The following FER variants were observed in gnomAD, a reference collection of about 807,000 sequenced individuals.
FER encodes tyrosine-protein kinase Fer.
FER carries 63 observed loss-of-function variants against 111.0 expected under a neutral mutation model. The ratio of observed to expected loss-of-function variants is 0.57; its 90% CI spans 0.46 to 0.70. The LOEUF (loss-of-function observed/expected upper bound fraction) is 0.70. Ranked by LOEUF, FER falls within the 30% of genes least tolerant of loss-of-function variation. The probability of loss-of-function intolerance (pLI) is 0.00; values close to 1 mark genes in which losing one functional copy is unlikely to be tolerated. For missense variants in FER, 914 were observed against 954.0 expected (o/e 0.96, Z 0.55); for synonymous variants, 327 against 313.9 (o/e 1.04, Z -0.44).
intron 16 of FER, chr5:109,052,451 C>CA: frequency 4.0e-6 from 5 of 1,252,694 alleles, no homozygotes; most frequent in Non-Finnish European, 5.9e-6. Flanking sequence ...GTGCTCCAGT[C>CA]ACGCATGTTG....
intron 17 of FER, among the ~76,000 whole-genome samples, chr5:109,105,231 TG>T (rs1042753590): frequency 3.6e-3 from 9 of 2,510 alleles, no homozygotes; most frequent in African/African-American, 0.018. Context: ...AGCTTATATT[TG>T]TGTGTGTGTG....
chr5:108,884,729 CT>C (rs1258418893), intron 9 of FER, among the ~76,000 whole-genome samples: 2 of 151,916 alleles, frequency 1.3e-5, no homozygotes, highest in African/African-American at 4.8e-5. Flanking sequence ...CACGTACTAT[CT>C]TTGCTTTCTG....
chr5:108,807,973 A>G (rs1757373289), intron 3 of FER, among the ~76,000 whole-genome samples: 1 of 150,658 alleles, frequency 6.6e-6, no homozygotes, highest in East Asian at 1.9e-4. Flanking sequence ...ACTGTGGCCC[A>G]AGAGTGTTGT....
intron 18 of FER, among the ~76,000 whole-genome samples, chr5:109,182,816 A>G (rs910950906): frequency 2.6e-5 from 4 of 152,212 alleles, no homozygotes; most frequent in African/African-American, 9.6e-5. Flanking sequence ...AAGCATTTTA[A>G]GTAAGTAATA....
intron 13 of FER, among the ~76,000 whole-genome samples, chr5:109,028,973 T>G (rs879292135): frequency 3.9e-5 from 6 of 152,222 alleles, no homozygotes; most frequent in Non-Finnish European, 8.8e-5. Context: ...ATGTTTACTT[T>G]AAGCATGCTA....
chr5:109,119,456 A>G lies in FER; in HGVS notation c.2048+18937A>G, dbSNP rs2126481307. The stretch of plus-strand genomic sequence containing the variant: ...ATGTGGTCAATTTTGGAATAAGTGC[A>G]GTGTGGTGCTAAAAAGAATGTATAT... On this transcript the variant is annotated intron_variant, in intron 17 of 19. Coordinates refer to ENST00000281092, the MANE Select transcript of FER (RefSeq NM_005246.4). 2.0e-5 allele frequency among the ~76,000 whole-genome samples: 3 copies of G among 152,146 alleles called. 1 individual carries two copies. Among genetic ancestry groups the G allele is most frequent in the Admixed American group, 2.0e-4 (3 of 15,262 alleles).
intron 16 of FER, among the ~76,000 whole-genome samples, chr5:109,093,810 T>C (rs1712275113): frequency 1.3e-5 from 2 of 152,222 alleles, no homozygotes; most frequent in African/African-American, 4.8e-5. Context: ...AGTATTCCAT[T>C]GATTTTTCTT....
At chr5:108,967,423 G>A (rs1466823524) in intron 13 of FER, among the ~76,000 whole-genome samples, 2 of 152,068 alleles carry the variant, frequency 1.3e-5, no homozygotes, top group East Asian at 3.9e-4. Flanking sequence ...TGCAGAAAAG[G>A]TTAAAAGAAA....
At chr5:109,051,508 T>A in intron 16 of FER, 1 of 1,605,488 alleles carries the variant, frequency 6.2e-7, no homozygotes, top group African/African-American at 1.4e-5. Flanking sequence ...CCCCATTCGA[T>A]TTTGTTCTGC....
chr5:109,146,177 CAA>C (rs959308344), intron 17 of FER, among the ~76,000 whole-genome samples: 3 of 112,430 alleles, frequency 2.7e-5, no homozygotes, highest in South Asian at 5.3e-4. Flanking sequence ...AATTTTGCAG[CAA>C]AAAAATACAT....
intron 16 of FER, among the ~76,000 whole-genome samples, chr5:109,073,839 A>G (rs1776032245): frequency 6.6e-6 from 1 of 152,180 alleles, no homozygotes; most frequent in African/African-American, 2.4e-5. Context: ...TCAAGGGTCA[A>G]CTATATTACA....
At chr5:109,118,472 T>C (rs539637004) in intron 17 of FER, among the ~76,000 whole-genome samples, 15 of 152,248 alleles carry the variant, frequency 9.9e-5, no homozygotes, top group Non-Finnish European at 2.2e-4. Context: ...ATTCTCTTTT[T>C]TTGTTGTGTC....
chr5:108,785,896 C>T (rs1754666533), intron 2 of FER, among the ~76,000 whole-genome samples: 1 of 152,182 alleles, frequency 6.6e-6, no homozygotes, highest in Non-Finnish European at 1.5e-5. Flanking sequence ...AAGGAGTTTG[C>T]CTTCTTCTTT....
intron 3 of FER, among the ~76,000 whole-genome samples, chr5:108,802,457 C>G (rs1348769731): frequency 6.6e-6 from 1 of 152,070 alleles, no homozygotes; most frequent in Admixed American, 6.6e-5. Context: ...GACCCCATTA[C>G]CAAAGTCGTA....
chr5:108,904,716 G>A (rs1750509320), intron 10 of FER, among the ~76,000 whole-genome samples: 1 of 152,018 alleles, frequency 6.6e-6, no homozygotes, highest in Non-Finnish European at 1.5e-5. Flanking sequence ...ATATATTTTA[G>A]GTTTTGTTCA....
chr5:108,792,435 GT>G (rs1755485107), intron 2 of FER, among the ~76,000 whole-genome samples: 1 of 152,130 alleles, frequency 6.6e-6, no homozygotes, highest in Admixed American at 6.6e-5. Context: ...CCACTTCCTG[GT>G]TAAGTGATTC....
intron 13 of FER, among the ~76,000 whole-genome samples, chr5:109,023,251 T>C (rs1243708002): frequency 6.6e-6 from 1 of 152,106 alleles, no homozygotes; most frequent in Non-Finnish European, 1.5e-5. Flanking sequence ...TCAAGAATGA[T>C]TAAGATTTTT....
chr5:108,933,046 C>A (rs908724473), intron 10 of FER, among the ~76,000 whole-genome samples: 1 of 152,038 alleles, frequency 6.6e-6, no homozygotes, highest in African/African-American at 2.4e-5. Context: ...TGTAGGTTGC[C>A]TGTTCACTCT....
intron 16 of FER, among the ~76,000 whole-genome samples, chr5:109,059,874 T>C (rs1026702421): frequency 1.9e-4 from 29 of 152,200 alleles, no homozygotes; most frequent in African/African-American, 7.0e-4. Flanking sequence ...CAAATACTTG[T>C]ATGTAAATGA....
Sources: allele counts gnomAD v4.1 joint callset (sites outside exome capture counted in the v4.1 genomes callset), GRCh38; gene constraint gnomAD v4.1.1; transcripts MANE v1.5; gene names NCBI Gene and HGNC (gene_info 2026-07-23, HGNC 2026-07-21).